Variants in TNFRSF10D observed in about 807,000 individuals in gnomAD.
TNFRSF10D encodes the protein TNF receptor superfamily member 10d.
Under a neutral mutation model 42.1 loss-of-function variants are expected in TNFRSF10D, and 28 were observed. That is an observed-to-expected ratio of 0.66 (90% CI 0.49 to 0.91). The LOEUF is 0.91. Among genes scored for constraint, TNFRSF10D ranks in the 40% least tolerant of loss-of-function variants. The pLI is 0.00. For missense variants in TNFRSF10D, 503 were observed against 486.1 expected, an observed-to-expected ratio of 1.03 and a Z score of -0.33; for synonymous variants, 186 against 189.4, an observed-to-expected ratio of 0.98 and a Z score of 0.15.
At chr8:23,148,281 T>G (rs1330309481) in intron 3 of TNFRSF10D, among the ~76,000 whole-genome samples, 157 bp downstream of exon 3, 1 of 133,916 alleles carries the variant, frequency 7.5e-6, no homozygotes, top group Non-Finnish European at 1.6e-5. Flanking sequence ...AAGATTTCTA[T>G]TTTTTTTTTT....
chr8:23,155,853 C>T (rs1189972136), intron 1 of TNFRSF10D, among the ~76,000 whole-genome samples: 432 of 151,204 alleles, frequency 2.9e-3, no homozygotes, highest in African/African-American at 9.1e-3. Context: ...CACACAGACA[C>T]ACACATAAAA....
At chr8:23,144,366 AGAG>A in intron 7 of TNFRSF10D, 81 bp downstream of exon 7, 4 of 1,480,212 alleles carry the variant, frequency 2.7e-6, no homozygotes, top group Non-Finnish European at 3.6e-6. Context: ...GGGCCAGGAA[AGAG>A]GAGGCACTGC....
intron 2 of TNFRSF10D, among the ~76,000 whole-genome samples, chr8:23,149,189 C>CAAAAAAAAAAAAAAAA (rs370400558): frequency 1.2e-5 from 1 of 85,670 alleles, no homozygotes; most frequent in Non-Finnish European, 2.2e-5. Flanking sequence ...GACTCTGTCT[C>CAAAAAAAAAAAAAAAA]AAAAAAAAAA....
At chr8:23,161,485 G>C (rs1012089114) in intron 1 of TNFRSF10D, among the ~76,000 whole-genome samples, 4 of 152,216 alleles carry the variant, frequency 2.6e-5, no homozygotes, top group Non-Finnish European at 4.4e-5. Flanking sequence ...TGAAGATGGA[G>C]ACCTTATCTC....
rs1158061220 is a variant in TNFRSF10D, at chr8:23,160,161, G to A, written c.150+3625C>T. Among the ~76,000 whole-genome samples, 10 of 152,108 alleles carry A rather than the reference G, an allele frequency of 6.6e-5. No individual in the cohort carries two copies. The East Asian group carries it at 1.9e-3, about 29-fold the overall frequency. On this transcript the variant is annotated intron_variant, in intron 1 of 8. Transcript: ENST00000312584. Reference sequence around the variant, plus strand: ...GTGTCACCTCACCCACCACACTGTGGGCTCCAGGAAGCAGGATTCACATGG... The same window carrying A: ...GTGTCACCTCACCCACCACACTGTGAGCTCCAGGAAGCAGGATTCACATGG...
At chr8:23,151,363 G>T (rs1295943342) in intron 2 of TNFRSF10D, among the ~76,000 whole-genome samples, 1 of 151,626 alleles carries the variant, frequency 6.6e-6, no homozygotes, top group African/African-American at 2.4e-5. Context: ...AAAAAAACGG[G>T]GGGAGTTCAT....
At chr8:23,141,441 G>T (rs948157397) in intron 7 of TNFRSF10D, among the ~76,000 whole-genome samples, 1 of 151,444 alleles carries the variant, frequency 6.6e-6, no homozygotes, top group East Asian at 1.9e-4. Context: ...GGAGGCGGAG[G>T]TTGCAGTGAG....
At chr8:23,150,024 A>G (rs961450621) in intron 2 of TNFRSF10D, among the ~76,000 whole-genome samples, 3 of 152,216 alleles carry the variant, frequency 2.0e-5, no homozygotes, top group Admixed American at 1.3e-4. Flanking sequence ...AAGTGCAGGA[A>G]ACAGAAGTCT....
intron 1 of TNFRSF10D, among the ~76,000 whole-genome samples, chr8:23,155,926 A>T (rs1173863205): frequency 6.6e-6 from 1 of 152,166 alleles, no homozygotes; most frequent in African/African-American, 2.4e-5. Context: ...TATAGCATCA[A>T]ACATTAAGTA....
rs764817664 is a variant in TNFRSF10D, at chr8:23,145,684, G to C, written c.720C>G (p.Leu240=). The change falls in exon 5 of 9, where the codon CTC becomes CTG. Residue 240 remains leucine (L), a synonymous_variant. Transcript: ENST00000312584. ...FSCRKKFISY[L]KGICSGGGGG... is the part of the protein sequence containing the mutation. ...AGCACCTACCTGAGCAGATGCCTTT[G>C]AGGTAAGAAATGAATTTCTTCCGAC... The C allele has an allele frequency of 3.1e-6, 5 of 1,614,078 alleles. No individual in the cohort carries two copies. Among genetic ancestry groups the C allele is most frequent in the Non-Finnish European group, 4.2e-6 (5 of 1,180,024 alleles).
At chr8:23,144,963 T>G in intron 6 of TNFRSF10D, 95 bp downstream of exon 6, 1 of 1,567,146 alleles carries the variant, frequency 6.4e-7, no homozygotes, top group Non-Finnish European at 8.8e-7. Context: ...AGGGCAGCCA[T>G]GAGGACAAGG....
At chr8:23,148,355 G>T in intron 3 of TNFRSF10D, 83 bp downstream of exon 3, 1 of 1,003,042 alleles carries the variant, frequency 1.0e-6, no homozygotes, top group South Asian at 1.5e-5. Context: ...GCTAGAACTT[G>T]GTTCCCCGAC....
chr8:23,162,079 A>AAT (rs1456628733), intron 1 of TNFRSF10D, among the ~76,000 whole-genome samples: 1 of 152,258 alleles, frequency 6.6e-6, no homozygotes, highest in Non-Finnish European at 1.5e-5. Flanking sequence ...CCATGTAGTA[A>AAT]AATACAATAC....
intron 1 of TNFRSF10D, among the ~76,000 whole-genome samples, chr8:23,163,159 G>A (rs1458496567): frequency 2.1e-5 from 3 of 145,488 alleles, no homozygotes; most frequent in Non-Finnish European, 4.5e-5. Context: ...GAGTGCGATG[G>A]CGCGATCTCG....
rs370508033 is a variant in TNFRSF10D, at chr8:23,145,677, T to C, written c.727A>G (p.Ile243Val). 1.9e-5 allele frequency: 31 copies of C among 1,613,980 alleles called. No homozygotes were observed. Among genetic ancestry groups the C allele is most frequent in the Non-Finnish European group, 2.5e-5 (30 of 1,180,040 alleles). ...RKKFISYLKG[I>V]CSGGGGGPER... ...CTCAGCCAGCACCTACCTGAGCAGA[T>C]GCCTTTGAGGTAAGAAATGAATTTC... Residue 243 changes from isoleucine to valine, a missense_variant, in exon 5 of 9, where the codon ATC (isoleucine) becomes GTC (valine). By Grantham distance (29) the Ile-to-Val change is conservative (BLOSUM62 3). Coordinates refer to ENST00000312584, the MANE Select transcript of TNFRSF10D (RefSeq NM_003840.5).
Position 23,154,975 on chromosome 8 carries a change from C to T in TNFRSF10D, c.155G>A (p.Arg52Gln), listed in dbSNP as rs372726522. 440 of 1,608,740 alleles carry T rather than the reference C, an allele frequency of 2.7e-4. No individual in the cohort carries two copies. In the African/African-American group the frequency reaches 4.7e-3, roughly 17 times the overall value. ...VFIVAVLLPVRVDSATIPRQD... is the reference protein window; with the variant it reads ...VFIVAVLLPVQVDSATIPRQD... ...CCGGGGGATGGTGGCAGAGTCAACCCGGACCTGTGGGGACAAGGCAGAGAT... is the reference window on the plus strand; with the variant it reads ...CCGGGGGATGGTGGCAGAGTCAACCTGGACCTGTGGGGACAAGGCAGAGAT... The change falls in exon 2 of 9, where the codon CGG becomes CAG. Residue 52 changes from arginine (R) to glutamine (Q), a missense_variant. By Grantham distance (43) the Arg-to-Gln change is conservative. Coordinates refer to ENST00000312584, the MANE Select transcript of TNFRSF10D (RefSeq NM_003840.5).
chr8:23,157,090 A>G (rs1040056242), intron 1 of TNFRSF10D, among the ~76,000 whole-genome samples: 1 of 152,180 alleles, frequency 6.6e-6, no homozygotes, highest in Admixed American at 6.5e-5. Context: ...TCTACATTTC[A>G]GTAGTTTTTT....
chr8:23,148,621 AT>A, intron 2 of TNFRSF10D, 70 bp from the exon 3 acceptor site: 2 of 1,235,726 alleles, frequency 1.6e-6, no homozygotes, highest in Non-Finnish European at 2.3e-6. Context: ...TGGCTGGCAA[AT>A]TTCTCTTTTG....
intron 7 of TNFRSF10D, among the ~76,000 whole-genome samples, chr8:23,141,682 G>C (rs1192385256): frequency 6.6e-6 from 1 of 152,020 alleles, no homozygotes; most frequent in African/African-American, 2.4e-5. Flanking sequence ...TGTCTCAAAA[G>C]AAGACATACA....
Sources: gnomAD v4.1 joint callset for allele counts (sites outside exome capture counted in the v4.1 genomes callset) on GRCh38, gnomAD v4.1.1 for gene constraint, MANE v1.5 for transcripts, NCBI Gene and HGNC (gene_info 2026-07-23, HGNC 2026-07-21) for gene names.